ELMO1: variants seen among roughly 807,000 people sequenced by gnomAD.
ELMO1 encodes the protein engulfment and cell motility 1.
ELMO1 carries 26 observed loss-of-function variants against 98.9 expected under a neutral mutation model. That is an observed-to-expected ratio of 0.26 (90% CI 0.19 to 0.36). ELMO1 has a LOEUF of 0.36. ELMO1 is among the 10% of genes least tolerant of loss of function. ELMO1 has a pLI of 1.00. For synonymous variants in ELMO1, 346 were observed against 346.0 expected, an observed-to-expected ratio of 1.00 and a Z score of 0.00; for missense variants, 627 against 935.2, an observed-to-expected ratio of 0.67 and a Z score of 4.30.
At chr7:37,426,256 C>T (rs931145033) in intron 1 of ELMO1, among the ~76,000 whole-genome samples, 3 of 147,678 alleles carry the variant, frequency 2.0e-5, no homozygotes, top group Non-Finnish European at 4.4e-5. Context: ...TGGGCTCAAG[C>T]GATTCTCCTG....
At chr7:36,867,383 A>C (rs989459872) in intron 20 of ELMO1, among the ~76,000 whole-genome samples, 2 of 152,152 alleles carry the variant, frequency 1.3e-5, no homozygotes, top group Admixed American at 6.5e-5. Flanking sequence ...TCATCTCCAC[A>C]TCTGTTATAT....
intron 15 of ELMO1, among the ~76,000 whole-genome samples, chr7:37,061,172 A>G (rs1453379861): frequency 6.6e-6 from 1 of 152,220 alleles, no homozygotes; most frequent in Non-Finnish European, 1.5e-5. Flanking sequence ...TTACATGGAC[A>G]TCTAGCAGAA....
At chr7:37,313,009 T>C (rs139323475) in intron 4 of ELMO1, among the ~76,000 whole-genome samples, 1 of 152,234 alleles carries the variant, frequency 6.6e-6, no homozygotes, top group Non-Finnish European at 1.5e-5. Flanking sequence ...TTAACTGCTA[T>C]CATTTAACTT....
intron 20 of ELMO1, among the ~76,000 whole-genome samples, chr7:36,868,350 T>TCTTC (rs1376383755): frequency 4.4e-4 from 44 of 100,224 alleles, no homozygotes; most frequent in African/African-American, 1.4e-3. Context: ...TTCTTCTTCT[T>TCTTC]TTTTTTTTTT....
intron 15 of ELMO1, among the ~76,000 whole-genome samples, chr7:37,067,307 A>G (rs905071693): frequency 5.3e-5 from 8 of 152,192 alleles, no homozygotes; most frequent in African/African-American, 9.6e-5. Context: ...CAACATGGAA[A>G]AAAGTATCCA....
chr7:36,999,342 A>G (rs899330748), intron 16 of ELMO1, among the ~76,000 whole-genome samples: 3 of 152,168 alleles, frequency 2.0e-5, no homozygotes, highest in Non-Finnish European at 2.9e-5. Flanking sequence ...GTGGTCCAAT[A>G]TTGGCCATTT....
intron 14 of ELMO1, among the ~76,000 whole-genome samples, chr7:37,129,599 GAGA>G (rs1786767738): frequency 6.6e-6 from 1 of 152,186 alleles, no homozygotes; most frequent in Non-Finnish European, 1.5e-5. Context: ...CTCTTCCTCG[GAGA>G]AGGTCAAGTT....
chr7:36,962,631 A>G (rs193191392), intron 16 of ELMO1, among the ~76,000 whole-genome samples: 59 of 135,170 alleles, frequency 4.4e-4, no homozygotes, highest in African/African-American at 1.6e-3. Context: ...GCTCCTTCCA[A>G]GCTCTGGCTT....
At chr7:37,202,769 A>AT (rs56753482) in intron 13 of ELMO1, among the ~76,000 whole-genome samples, 3,906 of 152,250 alleles carry the variant, frequency 0.026, 192 homozygotes, top group African/African-American at 0.09. Flanking sequence ...GAGAGAGAAT[A>AT]TGGGGCCAGG....
At chr7:37,013,197 TC>T in intron 16 of ELMO1, 101 bp downstream of exon 16, 7 of 1,428,132 alleles carry the variant, frequency 4.9e-6, no homozygotes, top group Non-Finnish European at 6.7e-6. Context: ...CTTCCTCATT[TC>T]CCCACCTTGC....
chr7:37,416,007 A>G (rs1263901945), intron 1 of ELMO1, among the ~76,000 whole-genome samples: 1 of 152,232 alleles, frequency 6.6e-6, no homozygotes, highest in East Asian at 1.9e-4. Flanking sequence ...AGTCCTAAAA[A>G]CCAGCATTTC....
At chr7:37,226,799 AT>A (rs1336000720) in intron 8 of ELMO1, among the ~76,000 whole-genome samples, 2 of 152,122 alleles carry the variant, frequency 1.3e-5, no homozygotes, top group African/African-American at 4.8e-5. Context: ...TTCAGCCAAT[AT>A]TTACTCATCA....
intron 2 of ELMO1, among the ~76,000 whole-genome samples, chr7:37,317,151 C>T (rs1032136263): frequency 6.6e-6 from 1 of 152,094 alleles, no homozygotes; most frequent in Non-Finnish European, 1.5e-5. Flanking sequence ...GCATCCTCAC[C>T]CTTGGACGTG....
intron 15 of ELMO1, among the ~76,000 whole-genome samples, chr7:37,045,395 T>C (rs1455761245): frequency 2.0e-5 from 3 of 152,210 alleles, no homozygotes; most frequent in Non-Finnish European, 2.9e-5. Flanking sequence ...AAAAACCTTT[T>C]AGTGGTATAA....
intron 15 of ELMO1, among the ~76,000 whole-genome samples, chr7:37,091,465 C>T (rs992667650): frequency 1.3e-5 from 2 of 152,054 alleles, no homozygotes; most frequent in Admixed American, 6.5e-5. Flanking sequence ...AAAATAGCTA[C>T]CATTTCTTTT....
chr7:37,102,742 T>C lies in ELMO1; in HGVS notation c.1192-6015A>G, dbSNP rs11981620. Among the ~76,000 whole-genome samples the C allele has an allele frequency of 7.0e-3, 1,072 of 152,288 alleles. 13 individuals carry two copies. The highest frequency in any genetic ancestry group is 0.025 in the African/African-American group (1,025 of 41,556). On this transcript the variant is annotated intron_variant, in intron 14 of 21. Transcript: ENST00000310758. ...GAAGAAACAGAGACAAAGAGATGTG[T>C]CACTGGTCCAAGGTCACACAGCACA...
At chr7:36,967,222 GT>G (rs1209859851) in intron 16 of ELMO1, among the ~76,000 whole-genome samples, 1 of 151,574 alleles carries the variant, frequency 6.6e-6, no homozygotes, top group African/African-American at 2.4e-5. Flanking sequence ...AAGCTTGAAT[GT>G]TTTTTTTCAC....
Position 36,855,512 on chromosome 7 carries a change from G to A in ELMO1, c.*39C>T. The A allele has an allele frequency of 6.2e-7, 1 of 1,611,604 alleles. No individual in the cohort carries two copies. Among genetic ancestry groups the A allele is most frequent in the East Asian group, 2.2e-5 (1 of 44,864 alleles). On this transcript the variant is annotated 3_prime_UTR_variant, in exon 22 of 22. Coordinates refer to ENST00000310758, the MANE Select transcript of ELMO1 (RefSeq NM_014800.11). The surrounding 1 kb of genome is among the most constrained non-coding windows in gnomAD (Gnocchi z 4.2). ...CATTCCTCTCTCCTGTTAGCTAGGT[G>A]TTCCAGTTTTGGAAGGGGCATGTCT... is the stretch of plus-strand genomic sequence containing the variant.
At chr7:37,290,777 A>C (rs2723964) in intron 4 of ELMO1, among the ~76,000 whole-genome samples, 53,324 of 151,990 alleles carry the variant, frequency 0.35, 10,516 homozygotes, top group Middle Eastern at 0.54. Context: ...AATTTTAATC[A>C]AAATTCTAAT....
Sources: allele counts gnomAD v4.1 joint callset (sites outside exome capture counted in the v4.1 genomes callset), GRCh38; gene constraint gnomAD v4.1.1; non-coding constraint Gnocchi (gnomAD v3.1); transcripts MANE v1.5; gene names NCBI Gene and HGNC (gene_info 2026-07-23, HGNC 2026-07-21).